Variants in CSNK2A2IP observed in about 807,000 individuals in gnomAD.
CSNK2A2IP encodes the protein casein kinase II subunit alpha'-interacting protein.
At chr3:88,374,507 CCTT>C in the CSNK2A2IP span, among the ~76,000 whole-genome samples, 1 of 150,942 alleles carries the variant, frequency 6.6e-6, no homozygotes, top group Non-Finnish European at 1.5e-5. Context: ...GATATGGACA[CCTT>C]CTTAAAAGTC....
the CSNK2A2IP span, among the ~76,000 whole-genome samples, chr3:88,356,889 A>G: frequency 3.9e-5 from 6 of 152,070 alleles, no homozygotes; most frequent in Non-Finnish European, 7.4e-5. Flanking sequence ...GGCCTTTTTT[A>G]TGTCCTCTTT....
At chr3:88,382,629 CA>C in the CSNK2A2IP span, 8 of 152,112 alleles carry the variant, frequency 5.3e-5, no homozygotes, top group African/African-American at 1.9e-4. Flanking sequence ...TATTTCTGGA[CA>C]AAAACAAACC....
chr3:88,391,816 T>C, the CSNK2A2IP span, among the ~76,000 whole-genome samples: 9 of 152,168 alleles, frequency 5.9e-5, no homozygotes, highest in South Asian at 2.1e-4. Flanking sequence ...TTGTTGGAGA[T>C]CATAGCTTGG....
the CSNK2A2IP span, among the ~76,000 whole-genome samples, chr3:88,373,551 G>T: frequency 2.0e-5 from 3 of 149,308 alleles, no homozygotes; most frequent in African/African-American, 7.4e-5. Flanking sequence ...GAAAGTCAAA[G>T]CTTCTGCTTT....
At chr3:88,464,004 TC>T in the CSNK2A2IP span, among the ~76,000 whole-genome samples, 3 of 151,966 alleles carry the variant, frequency 2.0e-5, no homozygotes, top group Middle Eastern at 3.2e-3. Flanking sequence ...TGAGTTCATG[TC>T]CTTTGTAGGG....
chr3:88,373,617 AG>A, the CSNK2A2IP span, among the ~76,000 whole-genome samples: 49 of 139,986 alleles, frequency 3.5e-4, no homozygotes, highest in East Asian at 7.1e-3. Context: ...AAAAAAAAAA[AG>A]GAAATAATGA....
chr3:88,464,922 G>T, the CSNK2A2IP span, among the ~76,000 whole-genome samples: 2 of 152,134 alleles, frequency 1.3e-5, no homozygotes, highest in Non-Finnish European at 2.9e-5. Context: ...GGTTTTGAAA[G>T]TATAATTCAA....
At chr3:88,386,701 A>G in the CSNK2A2IP span, among the ~76,000 whole-genome samples, 1 of 152,202 alleles carries the variant, frequency 6.6e-6, no homozygotes, top group Non-Finnish European at 1.5e-5. Flanking sequence ...CTGATAGTGG[A>G]ATGGAAGAAA....
chr3:88,377,083 T>C, the CSNK2A2IP span, among the ~76,000 whole-genome samples: 1 of 151,826 alleles, frequency 6.6e-6, no homozygotes, highest in African/African-American at 2.4e-5. Context: ...TCACTTGATA[T>C]CTTGGTTTTA....
At chr3:88,439,731 A>T in the CSNK2A2IP span, among the ~76,000 whole-genome samples, 1 of 109,300 alleles carries the variant, frequency 9.1e-6, no homozygotes, top group Non-Finnish European at 1.9e-5. Context: ...ACAGAGTGAG[A>T]CTCTGTCTCA....
chr3:88,444,694 C>T, the CSNK2A2IP span, among the ~76,000 whole-genome samples: 6 of 152,202 alleles, frequency 3.9e-5, no homozygotes, highest in South Asian at 2.1e-4. Context: ...TCATTTCAGA[C>T]GGCTAGGGGT....
At chr3:88,431,952 C>A in the CSNK2A2IP span, among the ~76,000 whole-genome samples, 16 of 152,098 alleles carry the variant, frequency 1.1e-4, no homozygotes, top group African/African-American at 3.9e-4. Flanking sequence ...AAGGCTCAAG[C>A]CATTTTCCCA....
At chr3:88,451,096 A>C in the CSNK2A2IP span, among the ~76,000 whole-genome samples, 1 of 152,012 alleles carries the variant, frequency 6.6e-6, no homozygotes, top group South Asian at 2.1e-4. Flanking sequence ...AATATTTATT[A>C]TTTATTGAAG....
At chr3:88,350,685 C>T in the CSNK2A2IP span, among the ~76,000 whole-genome samples, 1 of 151,410 alleles carries the variant, frequency 6.6e-6, no homozygotes, top group Admixed American at 6.6e-5. Flanking sequence ...CATCTTTCAT[C>T]TTTAAGGGAC....
the CSNK2A2IP span, chr3:88,465,417 G>A: frequency 5.7e-6 from 7 of 1,231,608 alleles, no homozygotes; most frequent in Non-Finnish European, 6.1e-6. Context: ...TCTACCAACT[G>A]TCCTCAGCCA....
chr3:88,400,853 T>C, the CSNK2A2IP span, among the ~76,000 whole-genome samples: 2 of 152,110 alleles, frequency 1.3e-5, no homozygotes, highest in Non-Finnish European at 2.9e-5. Flanking sequence ...AACAAGAAAC[T>C]AATGTAAAAG....
At chr3:88,353,558 T>C in the CSNK2A2IP span, among the ~76,000 whole-genome samples, 13 of 152,172 alleles carry the variant, frequency 8.5e-5, no homozygotes, top group Admixed American at 2.0e-4. Context: ...CTGGCCAATG[T>C]TGGAAAAGTA....
the CSNK2A2IP span, among the ~76,000 whole-genome samples, chr3:88,438,737 G>A: frequency 4.1e-4 from 62 of 152,198 alleles, no homozygotes; most frequent in African/African-American, 1.3e-3. Context: ...AAACTAGACA[G>A]TGTTCCCTTC....
chr3:88,460,566 GCAT>G, the CSNK2A2IP span, among the ~76,000 whole-genome samples: 1 of 151,992 alleles, frequency 6.6e-6, no homozygotes, highest in Non-Finnish European at 1.5e-5. Flanking sequence ...TTTTAAATTA[GCAT>G]CATCATCATT....
Sources: allele counts gnomAD v4.1 joint callset (sites outside exome capture counted in the v4.1 genomes callset), GRCh38; gene constraint gnomAD v4.1.1; transcripts MANE v1.5; gene names NCBI Gene and HGNC (gene_info 2026-07-23, HGNC 2026-07-21).